The following MYRIP variants were observed in gnomAD, a reference collection of about 807,000 sequenced individuals.
MYRIP encodes the protein myosin VIIA and Rab interacting protein.
MYRIP carries 49 observed loss-of-function variants against 98.0 expected under a neutral mutation model. That is an observed-to-expected ratio of 0.50 (90% CI 0.40 to 0.63). MYRIP has a LOEUF of 0.63. Among genes scored for constraint, MYRIP ranks in the 30% least tolerant of loss-of-function variants. The probability of loss-of-function intolerance (pLI) is 0.00; values close to 1 mark genes in which losing one functional copy is unlikely to be tolerated. For synonymous variants in MYRIP, 404 were observed against 409.5 expected (o/e 0.99, Z 0.16); for missense variants, 1,004 against 1,058.2 (o/e 0.95, Z 0.71).
At chr3:39,989,700 C>T (rs1357000363) in intron 2 of MYRIP, among the ~76,000 whole-genome samples, 1 of 152,228 alleles carries the variant, frequency 6.6e-6, no homozygotes, top group Non-Finnish European at 1.5e-5. Context: ...GAGTTCTGTC[C>T]TTGAGTCCCT....
rs1416076244 is a variant in MYRIP at position 40,192,360 on chromosome 3, T to TTA, written c.1665+1899_1665+1900dup. ...ATATATGTCATATATATATTTATAT[T>TTA]TATTTAAGTTATTTACTTTTTAATT... is the stretch of plus-strand genomic sequence containing the variant. On this transcript the variant is annotated intron_variant, in intron 10 of 16. Transcript: ENST00000302541. Among the ~76,000 whole-genome samples the TTA allele has an allele frequency of 5.4e-3, 572 of 106,492 alleles. 28 individuals are homozygous for TTA. In the East Asian group the frequency reaches 0.12, roughly 23 times the overall value. 69.9% of individuals were successfully genotyped at this position (106,492 alleles called of 152,430 possible).
chr3:39,973,863 A>T (rs1301858886), intron 2 of MYRIP, among the ~76,000 whole-genome samples: 1 of 152,200 alleles, frequency 6.6e-6, no homozygotes, highest in Admixed American at 6.5e-5. Context: ...AAGAACAAAG[A>T]CGCAACGTAC....
In MYRIP at chr3:40,166,934, G is replaced by A. The variant is rs1229386833; in HGVS notation, c.639G>A (p.Gly213=). The change falls in exon 6 of 17, where the codon GGG becomes GGA. Residue 213 remains glycine, a synonymous_variant. Coordinates refer to ENST00000302541, the MANE Select transcript of MYRIP (RefSeq NM_015460.4). ...EEAISKAEAY[G]DSLDKQNEAS... is the part of the protein sequence containing the mutation. ...CAATTTCCAAAGCAGAGGCATATGGGGACAGCCTGGTAGGGCCCCTCCTGC... is the reference window on the plus strand; with the variant it reads ...CAATTTCCAAAGCAGAGGCATATGGAGACAGCCTGGTAGGGCCCCTCCTGC... 3.7e-6 allele frequency: 6 copies of A among 1,613,368 alleles called. No homozygotes were observed. The highest frequency in any genetic ancestry group is 5.1e-6 in the Non-Finnish European group (6 of 1,179,368).
intron 2 of MYRIP, among the ~76,000 whole-genome samples, chr3:39,967,486 C>T (rs7639001): frequency 4.0e-5 from 6 of 151,860 alleles, no homozygotes; most frequent in African/African-American, 1.5e-4. Flanking sequence ...CCAGCCTGTC[C>T]TTGATGGGCA....
At chr3:40,003,028 CTATA>C (rs1463682384) in intron 2 of MYRIP, among the ~76,000 whole-genome samples, 2 of 54,172 alleles carry the variant, frequency 3.7e-5, no homozygotes, top group Non-Finnish European at 1.0e-4. Context: ...ATGTAGATAT[CTATA>C]TATCTATAGA....
intron 1 of MYRIP, among the ~76,000 whole-genome samples, chr3:39,841,666 G>C (rs58749951): frequency 0.016 from 2,433 of 152,206 alleles, 56 homozygotes; most frequent in African/African-American, 0.055. Context: ...TGCTGATGTT[G>C]ATGCTATTGC....
At chr3:40,062,856 T>A (rs1374707763) in intron 3 of MYRIP, among the ~76,000 whole-genome samples, 1 of 152,196 alleles carries the variant, frequency 6.6e-6, no homozygotes, top group African/African-American at 2.4e-5. Context: ...TTACCTTGGA[T>A]AATTAGCTCT....
intron 3 of MYRIP, among the ~76,000 whole-genome samples, chr3:40,095,466 G>A (rs1474142628): frequency 6.6e-6 from 1 of 152,144 alleles, no homozygotes; most frequent in Non-Finnish European, 1.5e-5. Flanking sequence ...TGAAAAGAGG[G>A]GCAGGACCCC....
rs60129206 is a variant in MYRIP, at chr3:39,956,328, G to C, written c.110+55402G>C. On this transcript the variant is annotated intron_variant, in intron 2 of 16. Coordinates refer to ENST00000302541, the MANE Select transcript of MYRIP (RefSeq NM_015460.4). The stretch of plus-strand genomic sequence containing the variant: ...AAGAACAGAAATGATAACAAACTGT[G>C]TCTCAGACCACAGTGCAATAAAACT... Among the ~76,000 whole-genome samples, 272 of 152,084 alleles carry C rather than the reference G, an allele frequency of 1.8e-3. 2 individuals are homozygous for C. The highest frequency in any genetic ancestry group is 6.4e-3 in the African/African-American group (267 of 41,520).
intron 3 of MYRIP, among the ~76,000 whole-genome samples, chr3:40,062,711 G>A (rs540851622): frequency 3.0e-4 from 45 of 152,194 alleles, no homozygotes; most frequent in East Asian, 7.7e-4. Context: ...GCCAGGCACC[G>A]TGGAAAAAAT....
chr3:40,072,787 TG>T (rs1419030775), intron 3 of MYRIP, among the ~76,000 whole-genome samples: 2 of 151,926 alleles, frequency 1.3e-5, no homozygotes, highest in African/African-American at 2.4e-5. Flanking sequence ...ACTTGCTTTG[TG>T]GTCCAGTATA....
intron 3 of MYRIP, among the ~76,000 whole-genome samples, chr3:40,112,413 G>A (rs1041163352): frequency 2.6e-5 from 4 of 152,126 alleles, no homozygotes; most frequent in Admixed American, 2.6e-4. Flanking sequence ...TGGAAGGAAT[G>A]AATTATTGAA....
chr3:40,172,661 C>A lies in MYRIP; in HGVS notation c.873+2568C>A, dbSNP rs1274426778. On this transcript the variant is annotated intron_variant, in intron 8 of 16. Transcript: ENST00000302541. ...GTGTTTTGGTCAGCAAGGCTCCAGG[C>A]CCAGAGAGCAGAGCTGTTGGCATAT... Among the ~76,000 whole-genome samples the A allele has an allele frequency of 3.9e-5, 6 of 152,158 alleles. No individual in the cohort carries two copies. In the South Asian group the frequency reaches 1.2e-3, roughly 32 times the overall value.
chr3:39,986,170 G>A (rs1021720768), intron 2 of MYRIP, among the ~76,000 whole-genome samples: 8 of 152,106 alleles, frequency 5.3e-5, no homozygotes, highest in Non-Finnish European at 8.8e-5. Flanking sequence ...GTGTTAGGTG[G>A]GAATTGGGCT....
chr3:40,097,029 G>C (rs538443402), intron 3 of MYRIP, among the ~76,000 whole-genome samples: 8 of 152,304 alleles, frequency 5.3e-5, no homozygotes, highest in African/African-American at 1.9e-4. Flanking sequence ...TTGCCATGGA[G>C]GCTTTTGACT....
intron 3 of MYRIP, among the ~76,000 whole-genome samples, chr3:40,119,137 T>A (rs1575552233): frequency 6.6e-6 from 1 of 151,998 alleles, no homozygotes; most frequent in Non-Finnish European, 1.5e-5. Context: ...TAGTTCTAGA[T>A]CCCTGAGGAA....
chr3:39,898,796 G>A (rs1943676396), intron 1 of MYRIP, among the ~76,000 whole-genome samples: 1 of 152,052 alleles, frequency 6.6e-6, no homozygotes, highest in Non-Finnish European at 1.5e-5. Flanking sequence ...TAGATATCCA[G>A]TCAAATAGTG....
rs563040377 is a variant in MYRIP, at chr3:40,090,021, T to C, written c.332+45750T>C. Among the ~76,000 whole-genome samples the C allele has an allele frequency of 2.0e-5, 3 of 151,710 alleles. No individual in the cohort carries two copies. In the East Asian group the frequency reaches 5.8e-4, roughly 29 times the overall value. On this transcript the variant is annotated intron_variant, in intron 3 of 16. Coordinates refer to ENST00000302541, the MANE Select transcript of MYRIP (RefSeq NM_015460.4). Reference sequence around the variant, plus strand: ...TTTATGACCTTGGGAAAGTCTCTCTTATGAGTTATTGTATCTAGTGTGGTG... The same window carrying C: ...TTTATGACCTTGGGAAAGTCTCTCTCATGAGTTATTGTATCTAGTGTGGTG...
rs1944041593 is a variant in MYRIP, at chr3:39,912,314, C to T, written c.110+11388C>T. ...CAGTAGGTTGGCAGGCTGTTTGGTT[C>T]TGACCACCTCTGGAATTAGTACTAG... On this transcript the variant is annotated intron_variant, in intron 2 of 16. Coordinates refer to ENST00000302541, the MANE Select transcript of MYRIP (RefSeq NM_015460.4). 2.0e-5 allele frequency among the ~76,000 whole-genome samples: 3 copies of T among 152,192 alleles called. No individual in the cohort carries two copies. The South Asian group carries it at 6.2e-4, about 32-fold the overall frequency.
Sources: allele counts gnomAD v4.1 joint callset (sites outside exome capture counted in the v4.1 genomes callset), GRCh38; gene constraint gnomAD v4.1.1; transcripts MANE v1.5; gene names NCBI Gene and HGNC (gene_info 2026-07-23, HGNC 2026-07-21).